Variants in PRKD1 observed in about 807,000 individuals in gnomAD.
The protein encoded by PRKD1 is protein kinase D1.
Under a neutral mutation model 95.9 loss-of-function variants are expected in PRKD1, and 63 were observed. That is an observed-to-expected ratio of 0.66 (90% CI 0.54 to 0.81). The LOEUF is 0.81. PRKD1 is among the 30% of genes least tolerant of loss of function. The pLI, the probability that PRKD1 is intolerant of heterozygous loss-of-function variation, is 0.00. For missense variants in PRKD1, 1,048 were observed against 1,165.3 expected (o/e 0.90, Z 1.47); for synonymous variants, 425 against 423.1 (o/e 1.00, Z -0.05).
intron 1 of PRKD1, among the ~76,000 whole-genome samples, chr14:29,791,544 G>T (rs1276870717): frequency 6.6e-6 from 1 of 151,950 alleles, no homozygotes; most frequent in Non-Finnish European, 1.5e-5. Context: ...AGATTAAACT[G>T]CACTTTCTAG....
chr14:29,739,304 A>C (rs1291486507), intron 1 of PRKD1, among the ~76,000 whole-genome samples: 2 of 151,470 alleles, frequency 1.3e-5, no homozygotes, highest in African/African-American at 4.9e-5. Flanking sequence ...AATTTACTCC[A>C]CTCTGTTTTT....
intron 1 of PRKD1, among the ~76,000 whole-genome samples, chr14:29,826,633 A>G (rs200812245): frequency 8.2e-5 from 9 of 109,150 alleles, no homozygotes; most frequent in South Asian, 6.0e-4. Context: ...ACACATATAT[A>G]TGTGTGTGTG....
chr14:29,728,319 T>C (rs539696591), intron 1 of PRKD1, among the ~76,000 whole-genome samples: 1 of 152,192 alleles, frequency 6.6e-6, no homozygotes, highest in Non-Finnish European at 1.5e-5. Context: ...AATAAATTGA[T>C]ATAAGTGGAT....
chr14:29,705,643 T>C (rs796452362), intron 2 of PRKD1, among the ~76,000 whole-genome samples: 62 of 152,102 alleles, frequency 4.1e-4, no homozygotes, highest in African/African-American at 1.4e-3. Flanking sequence ...CATTCTTCCC[T>C]CCCTCAAGCC....
chr14:29,584,489 CT>C (rs1310570877), intron 16 of PRKD1, among the ~76,000 whole-genome samples: 1 of 152,190 alleles, frequency 6.6e-6, no homozygotes, highest in Admixed American at 6.6e-5. Flanking sequence ...TCCCCACACT[CT>C]CATCATTAGA....
intron 1 of PRKD1, among the ~76,000 whole-genome samples, chr14:29,917,592 T>G (rs977217445): frequency 4.6e-5 from 7 of 152,314 alleles, no homozygotes; most frequent in African/African-American, 1.4e-4. Context: ...CAAGTTAGAA[T>G]TTAATTATAT....
At chr14:29,642,907 G>T (rs1427850977) in intron 4 of PRKD1, among the ~76,000 whole-genome samples, 1 of 125,926 alleles carries the variant, frequency 7.9e-6, no homozygotes, top group African/African-American at 2.6e-5. Context: ...AAAATCTGCA[G>T]AATGATTTTT....
At chr14:29,898,730 G>A (rs1894216932) in intron 1 of PRKD1, among the ~76,000 whole-genome samples, 1 of 152,212 alleles carries the variant, frequency 6.6e-6, no homozygotes. Flanking sequence ...TGACTAAATT[G>A]ACTTCAATCC....
At chr14:29,884,103 A>G (rs1347481934) in intron 1 of PRKD1, among the ~76,000 whole-genome samples, 1 of 152,204 alleles carries the variant, frequency 6.6e-6, no homozygotes, top group African/African-American at 2.4e-5. Flanking sequence ...CTTTTTACTT[A>G]AAAGTTTGTA....
intron 6 of PRKD1, 49 bp from the exon 7 acceptor site, chr14:29,636,543 A>G (rs199831875): frequency 1.9e-6 from 3 of 1,583,652 alleles, no homozygotes; most frequent in African/African-American, 1.3e-5. Flanking sequence ...TCTTGGAGCC[A>G]GGGCTTAAGA....
intron 2 of PRKD1, among the ~76,000 whole-genome samples, chr14:29,709,307 CTACT>C (rs995294047): frequency 6.6e-5 from 10 of 152,046 alleles, no homozygotes; most frequent in East Asian, 5.8e-4. Flanking sequence ...AGAACCATAC[CTACT>C]TAATCATACC....
chr14:29,698,419 A>T (rs1156861552), intron 2 of PRKD1, among the ~76,000 whole-genome samples: 1 of 152,176 alleles, frequency 6.6e-6, no homozygotes, highest in Admixed American at 6.6e-5. Context: ...GAGAAAAGAT[A>T]TATTAAAAAT....
At chr14:29,914,766 A>ACTTTTCTTTT (rs1336651427) in intron 1 of PRKD1, among the ~76,000 whole-genome samples, 7 of 147,708 alleles carry the variant, frequency 4.7e-5, no homozygotes, top group African/African-American at 1.6e-4. Flanking sequence ...ACTGAATGGC[A>ACTTTTCTTTT]CTTTTCTTTT....
intron 1 of PRKD1, among the ~76,000 whole-genome samples, chr14:29,765,966 T>C (rs762133285): frequency 3.5e-4 from 54 of 152,318 alleles, no homozygotes; most frequent in Non-Finnish European, 7.4e-4. Flanking sequence ...TGGGTTTGCA[T>C]GTTATAACAA....
At chr14:29,593,449 T>G (rs1243152467) in intron 16 of PRKD1, among the ~76,000 whole-genome samples, 4 of 152,206 alleles carry the variant, frequency 2.6e-5, no homozygotes, top group African/African-American at 9.6e-5. Flanking sequence ...ATCATCCATA[T>G]GGCCAGTCAG....
intron 1 of PRKD1, among the ~76,000 whole-genome samples, chr14:29,806,132 A>G (rs948824672): frequency 1.3e-5 from 2 of 152,174 alleles, no homozygotes; most frequent in Non-Finnish European, 2.9e-5. Flanking sequence ...GAGGACACAA[A>G]CAGTTTACTT....
Position 29,636,482 on chromosome 14 carries a change from G to A in PRKD1, c.998C>T (p.Pro333Leu). 6.2e-7 allele frequency: 1 copy of A among 1,614,026 alleles called. No individual in the cohort carries two copies. The highest frequency in any genetic ancestry group is 1.1e-5 in the South Asian group (1 of 91,086). The stretch of plus-strand genomic sequence containing the variant: ...CATGACCACATCAGACTCTGCCCCA[G>A]GGCTAAGCAAATCTAGAAAATTATT... Reference protein sequence around the residue: ...EVTINGDLLSPGAESDVVMEE... With the variant: ...EVTINGDLLSLGAESDVVMEE... The change falls in exon 7 of 18, where the codon CCT (proline) becomes CTT (leucine). Residue 333 changes from proline to leucine, a missense_variant. By Grantham distance (98) the Pro-to-Leu change is moderately conservative (BLOSUM62 -3). Around this residue, in one of 3 missense-constraint regions of PRKD1, gnomAD observed 739 missense variants for 861.9 expected, o/e 0.86. Transcript: ENST00000331968.
intron 1 of PRKD1, among the ~76,000 whole-genome samples, chr14:29,827,657 T>G (rs980240037): frequency 6.6e-6 from 1 of 152,118 alleles, no homozygotes; most frequent in South Asian, 2.1e-4. Context: ...CATTTGCACA[T>G]TAAAATTTGG....
chr14:29,848,322 T>C (rs1892164908), intron 1 of PRKD1, among the ~76,000 whole-genome samples: 1 of 152,032 alleles, frequency 6.6e-6, no homozygotes, highest in African/African-American at 2.4e-5. Context: ...TCCATCAAGC[T>C]GAAGTGACGT....
Sources: gnomAD v4.1 joint callset for allele counts (sites outside exome capture counted in the v4.1 genomes callset) on GRCh38, gnomAD v4.1.1 for gene constraint, gnomAD v4.1.1 regional missense constraint, MANE v1.5 for transcripts, NCBI Gene and HGNC (gene_info 2026-07-23, HGNC 2026-07-21) for gene names.